ATP2B2: variants seen among roughly 807,000 people sequenced by gnomAD.
The protein encoded by ATP2B2 is plasma membrane calcium-transporting ATPase 2.
In ATP2B2, 15 loss-of-function variants were observed where a neutral mutation model predicts 120.0. That is an observed-to-expected ratio of 0.12 (90% CI 0.08 to 0.19). The LOEUF is 0.19. ATP2B2 is among the 10% of genes least tolerant of loss of function. The pLI, the probability that ATP2B2 is intolerant of heterozygous loss-of-function variation, is 1.00. For missense variants in ATP2B2, 1,045 were observed against 1,719.8 expected, an observed-to-expected ratio of 0.61 and a Z score of 6.94; for synonymous variants, 694 against 700.3, an observed-to-expected ratio of 0.99 and a Z score of 0.14.
chr3:10,701,615 AT>A (rs1203099332), intron 1 of ATP2B2, among the ~76,000 whole-genome samples: 485 of 142,770 alleles, frequency 3.4e-3, no homozygotes, highest in East Asian at 5.5e-3. Flanking sequence ...TGAGGATGCA[AT>A]TTTTTTTTTT....
chr3:10,480,026 T>C (rs2065347899), intron 1 of ATP2B2, among the ~76,000 whole-genome samples: 1 of 151,800 alleles, frequency 6.6e-6, no homozygotes. Flanking sequence ...GCCCAAGGAG[T>C]TTCAGGCTAT....
intron 2 of ATP2B2, among the ~76,000 whole-genome samples, chr3:10,558,266 C>T (rs2067823963): frequency 6.6e-6 from 1 of 152,166 alleles, no homozygotes; most frequent in African/African-American, 2.4e-5. Flanking sequence ...ATGATTCATC[C>T]CAGCCTTGAC....
chr3:10,681,863 A>AGTCCCT lies in ATP2B2; in HGVS notation c.-460+26046_-460+26051dup, dbSNP rs547118989. Among the ~76,000 whole-genome samples, 80 of 152,332 alleles carry AGTCCCT rather than the reference A, an allele frequency of 5.3e-4. 3 individuals are homozygous for AGTCCCT. In the South Asian group the frequency reaches 0.016, roughly 30 times the overall value. ...GCAAACTGAACTACTCTGCTGACCC[A>AGTCCCT]GTCCCTGTCTTTGAGAATTTGCAAT... On this transcript the variant is annotated intron_variant, in intron 1 of 21. Coordinates refer to the ATP2B2 transcript ENST00000646379.
intron 2 of ATP2B2, among the ~76,000 whole-genome samples, chr3:10,440,041 G>T (rs907754732): frequency 3.8e-4 from 54 of 143,520 alleles, no homozygotes; most frequent in African/African-American, 1.3e-3. Context: ...GGTCGAGGCT[G>T]CAGTGACCTG....
intron 8 of ATP2B2, among the ~76,000 whole-genome samples, chr3:10,383,027 G>A (rs941562779): frequency 2.0e-5 from 3 of 150,280 alleles, no homozygotes; most frequent in African/African-American, 7.3e-5. Context: ...GGTCTGGGGT[G>A]GGGTCTGAGA....
chr3:10,500,122 G>A (rs2066323878), intron 1 of ATP2B2, among the ~76,000 whole-genome samples: 1 of 151,842 alleles, frequency 6.6e-6, no homozygotes, highest in Admixed American at 6.6e-5. Context: ...ATTTTTAGTA[G>A]AAACGGGGTT....
At chr3:10,450,616 T>C (rs1447497512) in intron 1 of ATP2B2, among the ~76,000 whole-genome samples, 1 of 152,202 alleles carries the variant, frequency 6.6e-6, no homozygotes, top group Non-Finnish European at 1.5e-5. Context: ...AAGAATGTCA[T>C]TGAGCCCAGA....
intron 1 of ATP2B2, among the ~76,000 whole-genome samples, chr3:10,488,108 T>TCCATCCATCCAC (rs1559401840): frequency 6.6e-6 from 1 of 151,572 alleles, no homozygotes; most frequent in Non-Finnish European, 1.5e-5. Flanking sequence ...CAGCCATCCA[T>TCCATCCATCCAC]CCATCCATCC....
In ATP2B2 at chr3:10,503,672, T is replaced by A. The variant is rs555142110; in HGVS notation, c.-320+1793A>T. Among the ~76,000 whole-genome samples the A allele has an allele frequency of 5.3e-5, 8 of 152,338 alleles. No individual in the cohort carries two copies. In the East Asian group the frequency reaches 1.4e-3, roughly 26 times the overall value. ...GTCTTCTTATGTGTGCAACTGACAT[T>A]CACCTGTGGGCACATTCCAGCATGC... On this transcript the variant is annotated intron_variant, in intron 1 of 22. Coordinates refer to ENST00000360273, the MANE Select transcript of ATP2B2 (RefSeq NM_001001331.4).
intron 2 of ATP2B2, among the ~76,000 whole-genome samples, chr3:10,439,893 T>G (rs1316352468): frequency 1.5e-5 from 2 of 137,574 alleles, no homozygotes; most frequent in Non-Finnish European, 3.3e-5. Flanking sequence ...TAGCTGGGAT[T>G]ACAAGCGTGT....
At chr3:10,504,176 C>CAACCTGGGTGAG in intron 1 of ATP2B2, among the ~76,000 whole-genome samples, 2 of 152,216 alleles carry the variant, frequency 1.3e-5, no homozygotes, top group East Asian at 1.9e-4. Context: ...CCCCAACCCC[C>CAACCTGGGTGAG]CACAGGACTC....
chr3:10,328,691 A>C lies in ATP2B2; in HGVS notation c.*123T>G. On this transcript the variant is annotated 3_prime_UTR_variant, in exon 23 of 23. Coordinates refer to ENST00000360273, the MANE Select transcript of ATP2B2 (RefSeq NM_001001331.4). ...TGGAAACGTTGGTTTTCTCTCCAGT[A>C]TTTGGTTTCCGATTGTTGCTCGTTG... 9.8e-7 allele frequency: 1 copy of C among 1,024,308 alleles called. No individual in the cohort carries two copies. The highest frequency in any genetic ancestry group is 1.4e-6 in the Non-Finnish European group (1 of 715,862). 63.5% of individuals were successfully genotyped at this position (1,024,308 alleles called of 1,614,324 possible).
chr3:10,441,652 C>A (rs1291036074), intron 2 of ATP2B2, among the ~76,000 whole-genome samples: 8 of 152,248 alleles, frequency 5.3e-5, no homozygotes, highest in African/African-American at 1.9e-4. Context: ...ACAGACACTG[C>A]CCCTGAGAAA....
At chr3:10,605,457 C>T (rs1337635630) in intron 2 of ATP2B2, among the ~76,000 whole-genome samples, 2 of 152,162 alleles carry the variant, frequency 1.3e-5, no homozygotes, top group Non-Finnish European at 1.5e-5. Flanking sequence ...TTCTTTTTCC[C>T]TGCCTGACAA....
chr3:10,449,672 C>A lies in ATP2B2; in HGVS notation c.-129G>T. 6 of 1,157,340 alleles carry A rather than the reference C, an allele frequency of 5.2e-6. No individual in the cohort carries two copies. The highest frequency in any genetic ancestry group is 7.6e-6 in the Non-Finnish European group (6 of 787,834). 71.7% of individuals were successfully genotyped at this position (1,157,340 alleles called of 1,614,324 possible). On this transcript the variant is annotated 5_prime_UTR_variant, in exon 2 of 23. Coordinates refer to ENST00000360273, the MANE Select transcript of ATP2B2 (RefSeq NM_001001331.4). ...CAGCTGTGGCACCAGGCGGCCGACT[C>A]CGGGTCCCGGGGGGTGGGGGTGGCC...
intron 1 of ATP2B2, among the ~76,000 whole-genome samples, chr3:10,475,384 C>G (rs549295008): frequency 6.6e-6 from 1 of 152,214 alleles, no homozygotes; most frequent in Non-Finnish European, 1.5e-5. Flanking sequence ...TTACCACCTG[C>G]AGGCTCCTGC....
intron 1 of ATP2B2, among the ~76,000 whole-genome samples, chr3:10,646,409 A>G (rs978685981): frequency 7.9e-5 from 12 of 151,996 alleles, no homozygotes; most frequent in African/African-American, 2.7e-4. Context: ...CACCTCCCCA[A>G]GTCAGCCTGG....
intron 2 of ATP2B2, among the ~76,000 whole-genome samples, chr3:10,419,693 G>A (rs1368293978): frequency 1.3e-5 from 2 of 152,174 alleles, no homozygotes; most frequent in African/African-American, 4.8e-5. Flanking sequence ...GCTCTATGTT[G>A]AGCACCCATT....
chr3:10,676,067 G>A (rs2071234022), intron 1 of ATP2B2, among the ~76,000 whole-genome samples: 1 of 152,192 alleles, frequency 6.6e-6, no homozygotes, highest in Admixed American at 6.5e-5. Flanking sequence ...TTCCATAAAG[G>A]CAGAGATTGG....
Sources: allele counts gnomAD v4.1 joint callset (sites outside exome capture counted in the v4.1 genomes callset), GRCh38; gene constraint gnomAD v4.1.1; transcripts MANE v1.5; gene names NCBI Gene and HGNC (gene_info 2026-07-23, HGNC 2026-07-21).